Variants in REDIC1 observed in about 807,000 individuals in gnomAD.
REDIC1 encodes regulator of DNA class I crossover intermediates 1, also known as HEI10 Interacting Protein 1.
chr12:39,864,613 C>T, the REDIC1 span: 1 of 1,085,226 alleles, frequency 9.2e-7, no homozygotes, highest in Non-Finnish European at 1.3e-6. Flanking sequence ...AGGGGCCCCT[C>T]TCTACCACCT....
the REDIC1 span, among the ~76,000 whole-genome samples, chr12:39,670,093 C>A: frequency 1.3e-5 from 2 of 152,190 alleles, no homozygotes; most frequent in Non-Finnish European, 2.9e-5. Context: ...TGAGATGAAC[C>A]CGGTACCTCA....
chr12:39,638,718 G>T, the REDIC1 span, among the ~76,000 whole-genome samples: 1 of 151,978 alleles, frequency 6.6e-6, no homozygotes, highest in African/African-American at 2.4e-5. Flanking sequence ...TTTAAGAAAT[G>T]ACCTTTGACA....
At chr12:39,835,899 C>A in the REDIC1 span, 1 of 152,006 alleles carries the variant, frequency 6.6e-6, no homozygotes, top group Non-Finnish European at 1.5e-5. Flanking sequence ...GAAGGCAAAA[C>A]CAATTGTCAA....
At chr12:39,866,349 T>C in the REDIC1 span, among the ~76,000 whole-genome samples, 1 of 152,212 alleles carries the variant, frequency 6.6e-6, no homozygotes, top group Admixed American at 6.5e-5. Flanking sequence ...AGCTTTGCTG[T>C]TTCCTGACTC....
At chr12:39,712,123 T>TAC in the REDIC1 span, among the ~76,000 whole-genome samples, 1 of 138,494 alleles carries the variant, frequency 7.2e-6, no homozygotes, top group East Asian at 2.2e-4. Flanking sequence ...CCTGTATATA[T>TAC]ACCTGTATGT....
At chr12:39,740,413 A>C in the REDIC1 span, among the ~76,000 whole-genome samples, 1 of 152,244 alleles carries the variant, frequency 6.6e-6, no homozygotes, top group African/African-American at 2.4e-5. Context: ...CATTTAAATT[A>C]GGCATAGGCT....
the REDIC1 span, among the ~76,000 whole-genome samples, chr12:39,831,245 A>C: frequency 2.0e-4 from 30 of 152,174 alleles, no homozygotes; most frequent in Non-Finnish European, 3.1e-4. Context: ...GGGCCCATTC[A>C]TTTTAACGAT....
chr12:39,778,228 G>C, the REDIC1 span, among the ~76,000 whole-genome samples: 176 of 152,246 alleles, frequency 1.2e-3, 1 homozygote, highest in African/African-American at 4.2e-3. Flanking sequence ...TTTATAGAGG[G>C]CACAAATCAA....
At chr12:39,860,881 C>T in the REDIC1 span, among the ~76,000 whole-genome samples, 1 of 152,102 alleles carries the variant, frequency 6.6e-6, no homozygotes, top group Admixed American at 6.5e-5. Context: ...GCACCCACAC[C>T]CACCCAGAGA....
the REDIC1 span, among the ~76,000 whole-genome samples, chr12:39,654,724 T>C: frequency 6.7e-6 from 1 of 150,006 alleles, no homozygotes; most frequent in Admixed American, 6.7e-5. Flanking sequence ...TCGTGATTGT[T>C]CGGCTTTGGT....
At chr12:39,632,101 A>ATTTTTTTTT in the REDIC1 span, among the ~76,000 whole-genome samples, 1 of 151,168 alleles carries the variant, frequency 6.6e-6, no homozygotes, top group Non-Finnish European at 1.5e-5. Context: ...ATTTATTTTT[A>ATTTTTTTTT]TTTTTTATTT....
chr12:39,822,577 C>T, the REDIC1 span, among the ~76,000 whole-genome samples: 3 of 152,166 alleles, frequency 2.0e-5, no homozygotes, highest in Non-Finnish European at 2.9e-5. Flanking sequence ...CTGATGCTTA[C>T]TTGCCCCAAT....
the REDIC1 span, among the ~76,000 whole-genome samples, chr12:39,668,269 C>G: frequency 6.6e-6 from 1 of 151,936 alleles, no homozygotes; most frequent in Admixed American, 6.6e-5. Flanking sequence ...CTGGTGGTGA[C>G]AAAATCTCTC....
At chr12:39,664,389 T>G in the REDIC1 span, among the ~76,000 whole-genome samples, 14 of 152,178 alleles carry the variant, frequency 9.2e-5, no homozygotes, top group African/African-American at 3.4e-4. Context: ...TCCATGTCCC[T>G]ACAAAGGACA....
the REDIC1 span, among the ~76,000 whole-genome samples, chr12:39,680,993 C>T: frequency 1.9e-3 from 282 of 152,198 alleles, no homozygotes; most frequent in African/African-American, 6.0e-3. Context: ...TATAATGGAC[C>T]GGGTGTGGTG....
chr12:39,677,005 G>T, the REDIC1 span, among the ~76,000 whole-genome samples: 1 of 143,294 alleles, frequency 7.0e-6, no homozygotes, highest in Non-Finnish European at 1.5e-5. Flanking sequence ...ATCTCACAGG[G>T]CTTGTAAAAC....
At chr12:39,881,563 T>C in the REDIC1 span, among the ~76,000 whole-genome samples, 9 of 152,274 alleles carry the variant, frequency 5.9e-5, no homozygotes, top group African/African-American at 1.9e-4. Context: ...ATCACCTATT[T>C]ATACCTGGCC....
the REDIC1 span, among the ~76,000 whole-genome samples, chr12:39,716,120 C>T: frequency 6.6e-6 from 1 of 151,858 alleles, no homozygotes; most frequent in Non-Finnish European, 1.5e-5. Context: ...TCATGTTCTG[C>T]AGCCTTTTGC....
chr12:39,713,844 T>C, the REDIC1 span, among the ~76,000 whole-genome samples: 1 of 148,486 alleles, frequency 6.7e-6, no homozygotes, highest in Admixed American at 6.8e-5. Context: ...TACACGTATA[T>C]ATATGCATAT....
Sources: allele counts gnomAD v4.1 joint callset (sites outside exome capture counted in the v4.1 genomes callset), GRCh38; gene constraint gnomAD v4.1.1; transcripts MANE v1.5; gene names NCBI Gene and HGNC (gene_info 2026-07-23, HGNC 2026-07-21).